The following PDIA2 variants were observed in gnomAD, a reference collection of about 807,000 sequenced individuals.
PDIA2 encodes protein disulfide isomerase family A member 2, also known as protein disulfide-isomerase A2.
A neutral mutation model predicts 51.1 loss-of-function variants in PDIA2; 76 were observed. The observed-to-expected ratio is 1.49, with a 90% confidence interval of 1.24 to 1.80. The LOEUF (loss-of-function observed/expected upper bound fraction) is 1.80, where lower values mean the gene tolerates loss of function less well. Ranked by LOEUF, PDIA2 falls within the 40% of genes most tolerant of loss-of-function variation. PDIA2 has a pLI of 0.00. For synonymous variants in PDIA2, 429 were observed against 309.9 expected (o/e 1.38, Z -4.04); for missense variants, 946 against 706.5 (o/e 1.34, Z -3.84).
At chr16:287,009 G>A (rs1277688427) in intron 10 of PDIA2, 60 bp from the exon 11 acceptor site, 9 of 1,612,184 alleles carry the variant, frequency 5.6e-6, no homozygotes, top group Admixed American at 1.7e-5. Context: ...GGGCTGGCAG[G>A]GGCGGGGGCA....
chr16:284,113 C>T (rs142695778), intron 1 of PDIA2: 88 of 528,140 alleles, frequency 1.7e-4, no homozygotes, highest in African/African-American at 1.5e-3. Flanking sequence ...GGTGATATGC[C>T]CGCCTCTGCC....
At position 283,243 on chromosome 16, in the gene PDIA2, G is replaced by A. The variant is rs2052308596; in HGVS notation, c.74G>A (p.Gly25Glu). 6.2e-7 allele frequency: 1 copy of A among 1,610,504 alleles called. No homozygotes were observed. The highest frequency in any genetic ancestry group is 1.3e-5 in the African/African-American group (1 of 74,776). Residue 25 changes from glycine to glutamate, a missense_variant, in exon 1 of 11, where the codon GGA (glycine) becomes GAA (glutamate). Transcript: ENST00000219406. ...TCGTGCCCATGGGGTCAGGAACAGG[G>A]AGCGAGGAGCCCCTCGGAGGAGCCT... Reference protein sequence around the residue: ...RASCPWGQEQGARSPSEEPPE... With the variant: ...RASCPWGQEQEARSPSEEPPE...
chr16:284,137 G>C, intron 1 of PDIA2: 5 of 571,208 alleles, frequency 8.8e-6, no homozygotes, highest in South Asian at 8.0e-5. Context: ...CAAAGTGCTG[G>C]GATTACTGGC....
At position 285,389 on chromosome 16, in the gene PDIA2, G is replaced by C. The variant is rs1257775981; in HGVS notation, c.873G>C (p.Arg291=). The C allele has an allele frequency of 1.2e-6, 2 of 1,612,482 alleles. No homozygotes were observed. The highest frequency in any genetic ancestry group is 2.2e-5 in the South Asian group (2 of 91,078). ...LFVNQTLAAH[R]ELLAGFGEAA... ...TCAACCAGACGCTGGCTGCGCACCG[G>C]GAGCTCCTAGCGGGCTTTGGGGAGG... The change falls in exon 6 of 11, where the codon CGG becomes CGC. Residue 291 remains arginine, a synonymous_variant. Transcript: ENST00000219406.
chr16:285,931 C>CCCCAACCCCGCAGTTCT (rs2052357895), intron 7 of PDIA2, among the ~76,000 whole-genome samples: 1 of 47,358 alleles, frequency 2.1e-5, no homozygotes, highest in African/African-American at 2.3e-4. Flanking sequence ...GTTCTCCCAA[C>CCCCAACCCCGCAGTTCT]CCCAACCCCA....
At chr16:284,298 G>T (rs2052324280) in intron 1 of PDIA2, 89 bp from the exon 2 acceptor site, 9 of 1,303,382 alleles carry the variant, frequency 6.9e-6, no homozygotes, top group Non-Finnish European at 9.6e-6. Flanking sequence ...GAATGGAGCA[G>T]CACGCTTGTT....
intron 1 of PDIA2, chr16:284,111 G>T: frequency 1.9e-6 from 1 of 522,896 alleles, no homozygotes; most frequent in Non-Finnish European, 3.5e-6. Context: ...CAGGTGATAT[G>T]CCCGCCTCTG....
rs373590123 is a variant in PDIA2, at chr16:284,570, G to A, written c.383G>A (p.Arg128His). The change falls in exon 2 of 11, where the codon CGC becomes CAC. Residue 128 changes from arginine to histidine, a missense_variant. Transcript: ENST00000219406. ...PTLKFFRNGNRTHPEEYTGPR... is the reference protein window; with the variant it reads ...PTLKFFRNGNHTHPEEYTGPR... Reference sequence around the variant, plus strand: ...CTCAAGTTCTTCCGCAATGGGAACCGCACGCACCCGGAGGAGTACACAGGT... The same window carrying A: ...CTCAAGTTCTTCCGCAATGGGAACCACACGCACCCGGAGGAGTACACAGGT... 24 of 1,612,400 alleles carry A rather than the reference G, an allele frequency of 1.5e-5. No individual in the cohort carries two copies. The highest frequency in any genetic ancestry group is 8.3e-5 in the Admixed American group (5 of 59,934).
chr16:283,583 G>T (rs759402356), intron 1 of PDIA2, among the ~76,000 whole-genome samples: 1 of 152,242 alleles, frequency 6.6e-6, no homozygotes, highest in Non-Finnish European at 1.5e-5. Flanking sequence ...GTACCCACAG[G>T]ACTTGAGAAC....
chr16:286,357 A>G lies in PDIA2; in HGVS notation c.1124A>G (p.Tyr375Cys), dbSNP rs751287098. ...GCCTGTCCTGGTTTCCCCCAGCCCT[A>G]TCTCCTGAGCCAGGAGATACCCCCT... ...HAVLNGQVKP[Y>C]LLSQEIPPDW... Residue 375 changes from tyrosine to cysteine, a missense_variant, in exon 8 of 11, where the codon TAT (tyrosine) becomes TGT (cysteine). Tyr to Cys is a radical substitution (Grantham distance 194, BLOSUM62 -2). Coordinates refer to ENST00000219406, the MANE Select transcript of PDIA2 (RefSeq NM_006849.4). The G allele has an allele frequency of 8.8e-6, 14 of 1,599,838 alleles. No homozygotes were observed. The African/African-American group carries it at 1.3e-4, about 15-fold the overall frequency.
At position 285,004 on chromosome 16, in the gene PDIA2, CTCT is replaced by C. The variant is rs1218649112; in HGVS notation, c.670_672del (p.Phe224del). On this transcript the variant is annotated inframe_deletion, in exon 4 of 11. Transcript: ENST00000219406. Reference sequence around the variant, plus strand: ...TGGCCTCACCAAGGACACTGTGGTTCTCTTCAAGAAGGTAGGTCAGGCCCAGGT... The same window carrying C: ...TGGCCTCACCAAGGACACTGTGGTTCTCAAGAAGGTAGGTCAGGCCCAGGT... The C allele has an allele frequency of 6.2e-7, 1 of 1,613,280 alleles. No homozygotes were observed. The highest frequency in any genetic ancestry group is 8.5e-7 in the Non-Finnish European group (1 of 1,180,038).
In PDIA2 at chr16:283,214, G is replaced by GGCTTC; in HGVS notation, c.47_51dup (p.Cys18LeufsTer32). On this transcript the variant is annotated frameshift_variant, in exon 1 of 11. Coordinates refer to ENST00000219406, the MANE Select transcript of PDIA2 (RefSeq NM_006849.4). LOFTEE classifies it high-confidence loss of function. The stretch of plus-strand genomic sequence containing the variant: ...CTGTACTGCTGCTGCTGCTGCTCAG[G>GGCTTC]GCTTCGTGCCCATGGGGTCAGGAAC... 6.2e-7 allele frequency: 1 copy of GGCTTC among 1,606,938 alleles called. No individual in the cohort carries two copies. Among genetic ancestry groups the GGCTTC allele is most frequent in the Non-Finnish European group, 8.5e-7 (1 of 1,177,186 alleles).
At chr16:285,765 G>A (rs2052348984) in intron 7 of PDIA2, 62 bp downstream of exon 7, 2 of 1,546,890 alleles carry the variant, frequency 1.3e-6, no homozygotes, top group East Asian at 2.4e-5. Context: ...AGCTTGGCAG[G>A]GGGTGGGAAC....
chr16:283,469 A>T, intron 1 of PDIA2, 101 bp downstream of exon 1: 1 of 1,276,944 alleles, frequency 7.8e-7, no homozygotes, highest in Non-Finnish European at 1.0e-6. Context: ...TGTGCCCAAG[A>T]GGGGCCTCCC....
Position 283,276 on chromosome 16 carries a change from A to C in PDIA2, c.107A>C (p.Glu36Ala). 6.2e-7 allele frequency: 1 copy of C among 1,610,352 alleles called. No individual in the cohort carries two copies. The highest frequency in any genetic ancestry group is 8.5e-7 in the Non-Finnish European group (1 of 1,179,010). Residue 36 changes from glutamate to alanine, a missense_variant, in exon 1 of 11, where the codon GAG becomes GCG. Coordinates refer to ENST00000219406, the MANE Select transcript of PDIA2 (RefSeq NM_006849.4). ...ARSPSEEPPEEEIPKEDGILV... is the reference protein window; with the variant it reads ...ARSPSEEPPEAEIPKEDGILV... ...AGCCCCTCGGAGGAGCCTCCAGAGG[A>C]GGAAATCCCCAAGGAGGATGGGATC...
rs766759491 is a variant in PDIA2, at chr16:286,905, C to A, written c.1493C>A (p.Pro498His). 3 of 1,602,046 alleles carry A rather than the reference C, an allele frequency of 1.9e-6. No homozygotes were observed. The highest frequency in any genetic ancestry group is 2.6e-6 in the Non-Finnish European group (3 of 1,176,174). Reference sequence around the variant, plus strand: ...TTCCTGGACAACGGGGGCGTGCTGCCCACGGAGGAGCCCCCGGAGGAGCCA... The same window carrying A: ...TTCCTGGACAACGGGGGCGTGCTGCACACGGAGGAGCCCCCGGAGGAGCCA... ...SKFLDNGGVL[P>H]TEEPPEEPAA... The change falls in exon 10 of 11, where the codon CCC becomes CAC. Residue 498 changes from proline (P) to histidine (H), a missense_variant. By Grantham distance (77) the Pro-to-His change is moderately conservative. Transcript: ENST00000219406.
rs373626079 is a variant in PDIA2 at position 287,078 on chromosome 16, G to A, written c.1543G>A (p.Ala515Thr). ...TTGTGACCCTTTCTAGGAGCCACCG[G>A]CCAACTCCACTATGGGGTCCAAGGA... ...EPAAPFPEPP[A>T]NSTMGSKEEL The change falls in exon 11 of 11, where the codon GCC becomes ACC. Residue 515 changes from alanine to threonine, a missense_variant. By Grantham distance (58) the Ala-to-Thr change is moderately conservative. Transcript: ENST00000219406. 1.9e-6 allele frequency: 3 copies of A among 1,612,684 alleles called. No homozygotes were observed. Among genetic ancestry groups the A allele is most frequent in the Non-Finnish European group, 2.5e-6 (3 of 1,179,988 alleles).
Position 285,423 on chromosome 16 carries a change from C to T in PDIA2, c.907C>T (p.Arg303Cys), listed in dbSNP as rs200005538. 93 of 1,610,366 alleles carry T rather than the reference C, an allele frequency of 5.8e-5. No homozygotes were observed. The highest frequency in any genetic ancestry group is 3.3e-4 in the Middle Eastern group (2 of 6,044). Residue 303 changes from arginine to cysteine, a missense_variant, in exon 6 of 11, where the codon CGC becomes TGC. Transcript: ENST00000219406. ...AGCGGGCTTTGGGGAGGCAGCTCCC[C>T]GCTTCCGGGGGCAGGTACTGGGGGG... ...LLAGFGEAAP[R>C]FRGQVLFVVV...
Position 286,715 on chromosome 16 carries a change from C to T in PDIA2, c.1402C>T (p.Pro468Ser). The T allele has an allele frequency of 6.2e-7, 1 of 1,612,838 alleles. No individual in the cohort carries two copies. The highest frequency in any genetic ancestry group is 8.5e-7 in the Non-Finnish European group (1 of 1,179,960). The change falls in exon 9 of 11, where the codon CCA (proline) becomes TCA (serine). Residue 468 changes from proline (P) to serine (S), a missense_variant. Physicochemically the swap from Pro to Ser is moderately conservative, Grantham distance 74. Coordinates refer to ENST00000219406, the MANE Select transcript of PDIA2 (RefSeq NM_006849.4). ...VHGFPTLKYFPAGPGRKVIEY... is the reference protein window; with the variant it reads ...VHGFPTLKYFSAGPGRKVIEY... ...CGGCTTCCCTACTCTCAAGTACTTC[C>T]CAGCAGGGCCAGGTCGGAAGGTATG...
Sources: gnomAD v4.1 joint callset for allele counts (sites outside exome capture counted in the v4.1 genomes callset) on GRCh38, gnomAD v4.1.1 for gene constraint, MANE v1.5 for transcripts, NCBI Gene and HGNC (gene_info 2026-07-23, HGNC 2026-07-21) for gene names.